The following SMG6 variants were observed in gnomAD, a reference collection of about 807,000 sequenced individuals.
SMG6 encodes telomerase-binding protein EST1A.
Under a neutral mutation model 142.2 loss-of-function variants are expected in SMG6, and 66 were observed. The observed-to-expected ratio is 0.46, with a 90% confidence interval of 0.38 to 0.57. The LOEUF is 0.57. Ranked by LOEUF, SMG6 falls within the 20% of genes least tolerant of loss-of-function variation. The pLI, the probability that SMG6 is intolerant of heterozygous loss-of-function variation, is 0.00. For missense variants in SMG6, 1,793 were observed against 1,832.0 expected (o/e 0.98, Z 0.39); for synonymous variants, 779 against 702.4 (o/e 1.11, Z -1.72).
intron 13 of SMG6, among the ~76,000 whole-genome samples, chr17:2,120,824 G>A (rs960633952): frequency 3.9e-5 from 6 of 152,224 alleles, no homozygotes; most frequent in African/African-American, 1.4e-4. Flanking sequence ...GAAAGAGGAT[G>A]TGAAGCAATG....
intron 8 of SMG6, among the ~76,000 whole-genome samples, chr17:2,276,924 G>A (rs1243885355): frequency 2.6e-5 from 4 of 151,902 alleles, no homozygotes; most frequent in African/African-American, 7.2e-5. Flanking sequence ...TGGGATTACA[G>A]GCATGCGCCA....
At chr17:2,302,800 T>C (rs2075312771) in intron 1 of SMG6, among the ~76,000 whole-genome samples, 1 of 151,894 alleles carries the variant, frequency 6.6e-6, no homozygotes, top group African/African-American at 2.4e-5. Context: ...CGGCAGTCTG[T>C]AACTTGGTGG....
intron 13 of SMG6, among the ~76,000 whole-genome samples, chr17:2,116,244 A>AT (rs1378490290): frequency 6.6e-6 from 1 of 151,146 alleles, no homozygotes. Flanking sequence ...GCTATTTTTT[A>AT]TTTTTTATTT....
chr17:2,265,717 G>A (rs1230561065), intron 8 of SMG6, among the ~76,000 whole-genome samples: 2 of 152,142 alleles, frequency 1.3e-5, no homozygotes, highest in South Asian at 2.1e-4. Context: ...AACAACTCCT[G>A]ACATAAGAAT....
chr17:2,300,839 T>C (rs1203839855), intron 1 of SMG6, among the ~76,000 whole-genome samples, 175 bp from the exon 2 acceptor site: 1 of 152,234 alleles, frequency 6.6e-6, no homozygotes, highest in Non-Finnish European at 1.5e-5. Flanking sequence ...GCAGAAATTC[T>C]GGGTTTACAA....
At chr17:2,066,428 C>T (rs1348282642) in intron 16 of SMG6, among the ~76,000 whole-genome samples, 2 of 150,278 alleles carry the variant, frequency 1.3e-5, no homozygotes, top group Non-Finnish European at 3.0e-5. Context: ...GACATGGCTT[C>T]ATTTTCTGGT....
chr17:2,069,822 C>T (rs1218606881), intron 15 of SMG6, among the ~76,000 whole-genome samples: 1 of 152,180 alleles, frequency 6.6e-6, no homozygotes, highest in East Asian at 1.9e-4. Flanking sequence ...TTCCTAAACA[C>T]GGGTCTTTTC....
At chr17:2,303,167 A>G (rs563377891) in intron 1 of SMG6, 248 of 985,280 alleles carry the variant, frequency 2.5e-4, no homozygotes, top group African/African-American at 3.8e-4. Flanking sequence ...CTTGGGGGGG[A>G]AAAGTTCAGC....
chr17:2,168,474 C>T (rs1050456889), intron 13 of SMG6, among the ~76,000 whole-genome samples: 5 of 152,166 alleles, frequency 3.3e-5, no homozygotes, highest in South Asian at 2.1e-4. Context: ...TGAGCCATCA[C>T]GCTAGGTCTG....
At chr17:2,129,594 G>A (rs1355759369) in intron 13 of SMG6, among the ~76,000 whole-genome samples, 3 of 151,740 alleles carry the variant, frequency 2.0e-5, no homozygotes, top group African/African-American at 4.8e-5. Context: ...AGGAGTTCGA[G>A]ACCAGCCTGG....
Position 2,068,115 on chromosome 17 carries a change from C to G in SMG6, c.3835+663G>C, listed in dbSNP as rs1021577280. 6.6e-6 allele frequency among the ~76,000 whole-genome samples: 1 copy of G among 152,148 alleles called. No individual in the cohort carries two copies. The highest frequency in any genetic ancestry group is 2.4e-5 in the African/African-American group (1 of 41,426). On this transcript the variant is annotated intron_variant, in intron 16 of 18. Transcript: ENST00000263073. The surrounding 1 kb of genome is among the most constrained non-coding windows in gnomAD (Gnocchi z 6.7). ...AAGAACTAAGGGTACCCAGACGGTC[C>G]CGTGGAGACGGCCCAGCTGGGCCTC...
In SMG6 at chr17:2,299,882, G is replaced by T; in HGVS notation, c.871C>A (p.Arg291=). 1.9e-6 allele frequency: 3 copies of T among 1,613,984 alleles called. No individual in the cohort carries two copies. Among genetic ancestry groups the T allele is most frequent in the East Asian group, 2.2e-5 (1 of 44,872 alleles). The part of the protein sequence containing the change: ...RRQDRTKERP[R]LKKQVSVSST... ...GACACAGACACTTGCTTCTTCAGTCGTGGCCTCTCCTTGGTCCTATCCTGT... is the reference window on the plus strand; with the variant it reads ...GACACAGACACTTGCTTCTTCAGTCTTGGCCTCTCCTTGGTCCTATCCTGT... Residue 291 remains arginine (R), a synonymous_variant, in exon 2 of 19, where the codon CGA becomes AGA. Coordinates refer to ENST00000263073, the MANE Select transcript of SMG6 (RefSeq NM_017575.5). This position sits in a 1 kb window ranked among gnomAD's most constrained non-coding sequence, Gnocchi z 4.3.
chr17:2,072,091 G>C (rs1328962179), intron 15 of SMG6: 2 of 152,292 alleles, frequency 1.3e-5, no homozygotes, highest in African/African-American at 4.8e-5. Context: ...CACTTGGGGA[G>C]CAGGGGAAGC....
intron 9 of SMG6, chr17:2,239,890 G>A (rs947849823): frequency 5.3e-5 from 8 of 152,212 alleles, no homozygotes; most frequent in Non-Finnish European, 1.0e-4. Context: ...CAAATAGCAT[G>A]ACTAGGCAAG....
intron 13 of SMG6, among the ~76,000 whole-genome samples, chr17:2,112,494 C>A (rs2069361383): frequency 6.7e-6 from 1 of 148,638 alleles, no homozygotes; most frequent in South Asian, 2.1e-4. Flanking sequence ...GGTGACTGAG[C>A]AAGACTCTGT....
At chr17:2,296,777 G>A (rs764399656) in intron 4 of SMG6, among the ~76,000 whole-genome samples, 3 of 152,028 alleles carry the variant, frequency 2.0e-5, no homozygotes, top group African/African-American at 4.8e-5. Flanking sequence ...GTGGCTCACC[G>A]AAGGTCAGAA....
intron 8 of SMG6, among the ~76,000 whole-genome samples, chr17:2,278,553 T>C (rs536258356): frequency 1.3e-5 from 2 of 152,342 alleles, no homozygotes; most frequent in Admixed American, 1.3e-4. Context: ...GAATTGTTAT[T>C]AGTTATGCAA....
chr17:2,092,379 C>T (rs1269195246), intron 13 of SMG6, among the ~76,000 whole-genome samples: 2 of 152,206 alleles, frequency 1.3e-5, no homozygotes, highest in South Asian at 4.1e-4. Context: ...CCACACCATT[C>T]CATGTGTCTG....
At chr17:2,159,079 T>A (rs1296824160) in intron 13 of SMG6, among the ~76,000 whole-genome samples, 1 of 152,094 alleles carries the variant, frequency 6.6e-6, no homozygotes, top group African/African-American at 2.4e-5. Flanking sequence ...ATATAATAAT[T>A]GTCAGTAAAC....
Sources: allele counts gnomAD v4.1 joint callset (sites outside exome capture counted in the v4.1 genomes callset), GRCh38; gene constraint gnomAD v4.1.1; non-coding constraint Gnocchi (gnomAD v3.1); transcripts MANE v1.5; gene names NCBI Gene and HGNC (gene_info 2026-07-23, HGNC 2026-07-21).